CD2AP: variants seen among roughly 807,000 people sequenced by gnomAD.
CD2AP encodes the protein CD2-associated protein.
A neutral mutation model predicts 85.1 loss-of-function variants in CD2AP; 46 were observed. The ratio of observed to expected loss-of-function variants is 0.54; its 90% confidence interval spans 0.43 to 0.69. The LOEUF (loss-of-function observed/expected upper bound fraction) is 0.69. Ranked by LOEUF, CD2AP falls within the 30% of genes least tolerant of loss-of-function variation. CD2AP has a pLI of 0.00. For synonymous variants in CD2AP, 255 were observed against 252.9 expected (o/e 1.01, Z -0.08); for missense variants, 769 against 729.5 (o/e 1.05, Z -0.62).
Position 47,533,646 on chromosome 6 carries a change from C to G in CD2AP, c.210C>G (p.Ile70Met), listed in dbSNP as rs763829568. 6.2e-7 allele frequency: 1 copy of G among 1,614,010 alleles called. No homozygotes were observed. The highest frequency in any genetic ancestry group is 1.7e-5 in the Admixed American group (1 of 60,014). The stretch of plus-strand genomic sequence containing the variant: ...AATTCAAGGATGACAGTTTGCCCAT[C>G]AAACGGGAAAGGCATGGGAATGTAG... The part of the protein sequence containing the change: ...ETEFKDDSLP[I>M]KRERHGNVAS... The change falls in exon 3 of 18, where the codon ATC becomes ATG. Residue 70 changes from isoleucine (I) to methionine (M), a missense_variant. Physicochemically the swap from Ile to Met is conservative, Grantham distance 10. Transcript: ENST00000359314.
intron 1 of CD2AP, among the ~76,000 whole-genome samples, chr6:47,488,835 G>A (rs879607397): frequency 3.9e-5 from 6 of 152,004 alleles, no homozygotes; most frequent in Non-Finnish European, 5.9e-5. Flanking sequence ...AGGCTACAGC[G>A]AGCCATGATT....
intron 14 of CD2AP, among the ~76,000 whole-genome samples, chr6:47,606,935 A>G (rs1476230302): frequency 1.3e-5 from 2 of 151,946 alleles, no homozygotes; most frequent in Non-Finnish European, 2.9e-5. Context: ...TTTTGTACTC[A>G]TTAACCATCC....
intron 11 of CD2AP, among the ~76,000 whole-genome samples, chr6:47,587,224 T>C (rs930691924): frequency 3.9e-5 from 6 of 152,134 alleles, no homozygotes; most frequent in Non-Finnish European, 8.8e-5. Context: ...CATTTTTCAT[T>C]TGTATTTGTG....
chr6:47,503,486 A>C, intron 2 of CD2AP, 46 bp downstream of exon 2: 1 of 1,458,540 alleles, frequency 6.9e-7, no homozygotes, highest in Non-Finnish European at 9.6e-7. Flanking sequence ...CATAGGATTT[A>C]ATCTTTAAAT....
chr6:47,517,580 G>A (rs1582504823), intron 2 of CD2AP, among the ~76,000 whole-genome samples: 1 of 152,052 alleles, frequency 6.6e-6, no homozygotes, highest in East Asian at 1.9e-4. Flanking sequence ...CTAAGCCACC[G>A]CGCCTGGCCC....
At chr6:47,611,554 T>C (rs1449043925) in intron 16 of CD2AP, among the ~76,000 whole-genome samples, 2 of 151,922 alleles carry the variant, frequency 1.3e-5, no homozygotes, top group Non-Finnish European at 2.9e-5. Flanking sequence ...TTTGAAACAT[T>C]ATATAAATAA....
intron 4 of CD2AP, among the ~76,000 whole-genome samples, chr6:47,545,637 C>T (rs956443888): frequency 1.3e-5 from 2 of 152,214 alleles, no homozygotes; most frequent in African/African-American, 4.8e-5. Context: ...ACCACTTCCA[C>T]CAGAGCAGGT....
At chr6:47,620,010 T>A (rs1769703379) in intron 17 of CD2AP, among the ~76,000 whole-genome samples, 2 of 152,238 alleles carry the variant, frequency 1.3e-5, no homozygotes, top group African/African-American at 2.4e-5. Context: ...TCCCACTCTG[T>A]GGGTTGTCTG....
At chr6:47,554,509 T>C (rs1767622314) in intron 4 of CD2AP, 137 bp from the exon 5 acceptor site, 1 of 761,090 alleles carries the variant, frequency 1.3e-6, no homozygotes, top group Non-Finnish European at 2.2e-6. Flanking sequence ...TTTTCTTCAT[T>C]GTGTTTTAAA....
chr6:47,610,971 AT>A (rs11331165), intron 16 of CD2AP, among the ~76,000 whole-genome samples: 38,977 of 112,648 alleles, frequency 0.35, 5,852 homozygotes, highest in East Asian at 0.66. Context: ...ATATATATGT[AT>A]TTTTTTTTTT....
At chr6:47,576,383 A>C (rs1768313182) in intron 6 of CD2AP, 141 bp from the exon 7 acceptor site, 8 of 671,584 alleles carry the variant, frequency 1.2e-5, no homozygotes, top group Non-Finnish European at 2.1e-5. Context: ...TACCTGTTTC[A>C]TTGCTAAGTT....
rs542045753 is a variant in CD2AP, at chr6:47,589,544, A to G, written c.1109-6317A>G. Among the ~76,000 whole-genome samples the G allele has an allele frequency of 2.4e-3, 241 of 101,672 alleles. 2 individuals are homozygous for G. Among genetic ancestry groups the G allele is most frequent in the African/African-American group, 8.4e-3 (230 of 27,340 alleles). The allele number at this position is 101,672 out of a possible 152,430, so 66.7% of individuals were successfully genotyped here. Reference sequence around the variant, plus strand: ...CACACATATATACACATATGTACACATATATATACACACACACACACATAT... The same window carrying G: ...CACACATATATACACATATGTACACGTATATATACACACACACACACATAT... On this transcript the variant is annotated intron_variant, in intron 11 of 17. Transcript: ENST00000359314.
chr6:47,554,284 A>T (rs536737460), intron 4 of CD2AP, among the ~76,000 whole-genome samples: 200 of 152,304 alleles, frequency 1.3e-3, no homozygotes, highest in African/African-American at 4.7e-3. Context: ...TAATATACAA[A>T]TCAAGCCTTA....
At chr6:47,600,925 A>C (rs1211791590) in intron 13 of CD2AP, among the ~76,000 whole-genome samples, 1 of 151,898 alleles carries the variant, frequency 6.6e-6, no homozygotes, top group African/African-American at 2.4e-5. Flanking sequence ...TCTTTATCAC[A>C]TAAGTCTTTA....
At chr6:47,566,549 A>T (rs1219386889) in intron 5 of CD2AP, among the ~76,000 whole-genome samples, 1 of 152,004 alleles carries the variant, frequency 6.6e-6, no homozygotes, top group African/African-American at 2.4e-5. Context: ...CAGGTTTGTT[A>T]CATAGGTATA....
Position 47,579,611 on chromosome 6 carries a change from A to C in CD2AP, c.1008+122A>C, listed in dbSNP as rs1017180923. ...TTATGAAGGAGTTTCAGATGTAGCTATTCAGGTAGGAGTTATTTGAGTTAT... is the reference window on the plus strand; with the variant it reads ...TTATGAAGGAGTTTCAGATGTAGCTCTTCAGGTAGGAGTTATTTGAGTTAT... On this transcript the variant is annotated intron_variant, in intron 9 of 17. Transcript: ENST00000359314. 2.1e-5 allele frequency: 14 copies of C among 676,846 alleles called. No homozygotes were observed. The Admixed American group carries it at 3.1e-4, about 15-fold the overall frequency. 41.9% of individuals were successfully genotyped at this position (676,846 alleles called of 1,614,324 possible). A position where few individuals can be genotyped will look rare whatever the true frequency, so the allele number is the denominator to read the frequency against.
At chr6:47,481,573 T>C (rs1159234394) in intron 1 of CD2AP, among the ~76,000 whole-genome samples, 1 of 152,198 alleles carries the variant, frequency 6.6e-6, no homozygotes, top group Non-Finnish European at 1.5e-5. Context: ...CTCGAACTCC[T>C]GACCTCATGT....
At chr6:47,558,161 T>C (rs1039247281) in intron 5 of CD2AP, among the ~76,000 whole-genome samples, 1 of 152,206 alleles carries the variant, frequency 6.6e-6, no homozygotes, top group Non-Finnish European at 1.5e-5. Context: ...GCTTGTGATT[T>C]TTGCTCATTG....
intron 1 of CD2AP, among the ~76,000 whole-genome samples, chr6:47,497,353 TTCCCC>T (rs1474264381): frequency 0.062 from 5,363 of 87,006 alleles, 331 homozygotes; most frequent in African/African-American, 0.19. Flanking sequence ...TTCCCTCCCC[TTCCCC>T]TTCCCCTTCC....
Sources: allele counts gnomAD v4.1 joint callset (sites outside exome capture counted in the v4.1 genomes callset), GRCh38; gene constraint gnomAD v4.1.1; transcripts MANE v1.5; gene names NCBI Gene and HGNC (gene_info 2026-07-23, HGNC 2026-07-21).